Variants in MTUS2 observed in about 807,000 individuals in gnomAD.
MTUS2 encodes the protein microtubule associated scaffold protein 2.
A neutral mutation model predicts 114.1 loss-of-function variants in MTUS2; 40 were observed. The ratio of observed to expected loss-of-function variants is 0.35; its 90% CI spans 0.27 to 0.46. MTUS2 has a LOEUF of 0.46. Ranked by LOEUF, MTUS2 falls within the 20% of genes least tolerant of loss-of-function variation. The pLI is 1.00. For synonymous variants in MTUS2, 688 were observed against 672.0 expected (o/e 1.02, Z -0.37); for missense variants, 1,679 against 1,705.4 (o/e 0.98, Z 0.27).
chr13:29,340,054 G>T (rs1168336645), intron 7 of MTUS2, among the ~76,000 whole-genome samples: 1 of 152,230 alleles, frequency 6.6e-6, no homozygotes, highest in Admixed American at 6.5e-5. Context: ...GAATCAGGAC[G>T]CCAGAAAGCG....
intron 11 of MTUS2, 21 bp from the exon 12 acceptor site, chr13:29,492,625 A>G (rs754766048): frequency 1.3e-6 from 2 of 1,599,272 alleles, no homozygotes; most frequent in South Asian, 1.1e-5. Flanking sequence ...CCAACTTGAC[A>G]ATTTAATGTC....
At chr13:29,340,132 G>A (rs1901316996) in intron 7 of MTUS2, among the ~76,000 whole-genome samples, 1 of 152,228 alleles carries the variant, frequency 6.6e-6, no homozygotes, top group Non-Finnish European at 1.5e-5. Flanking sequence ...GTGCCTCGCG[G>A]AATTCGGGAC....
At chr13:29,136,209 A>C (rs944386412) in intron 5 of MTUS2, among the ~76,000 whole-genome samples, 3 of 152,220 alleles carry the variant, frequency 2.0e-5, no homozygotes, top group African/African-American at 7.2e-5. Context: ...GATTAGGAAC[A>C]AACTCCCTCA....
At chr13:29,471,742 G>GCCTCCCCC (rs1555283285) in intron 9 of MTUS2, among the ~76,000 whole-genome samples, 11 of 131,592 alleles carry the variant, frequency 8.4e-5, no homozygotes, top group African/African-American at 2.8e-4. Context: ...TGCAGGCCCA[G>GCCTCCCCC]CCCCCCCCGA....
chr13:29,479,453 C>G (rs1356960632), intron 9 of MTUS2, among the ~76,000 whole-genome samples: 1 of 152,204 alleles, frequency 6.6e-6, no homozygotes, highest in African/African-American at 2.4e-5. Context: ...TGGCCGCTGT[C>G]ATTGCCTCAT....
chr13:28,938,168 A>C (rs1167385446), intron 2 of MTUS2, among the ~76,000 whole-genome samples: 4 of 152,172 alleles, frequency 2.6e-5, no homozygotes, highest in Non-Finnish European at 5.9e-5. Flanking sequence ...GCGGATCATG[A>C]GGTCAGGAGA....
intron 9 of MTUS2, among the ~76,000 whole-genome samples, chr13:29,472,432 C>A (rs141473619): frequency 1.4e-4 from 22 of 152,284 alleles, no homozygotes; most frequent in African/African-American, 4.3e-4. Flanking sequence ...GTAGTGTGTC[C>A]GGGATCCCAG....
At chr13:29,286,073 G>A (rs959482774) in intron 6 of MTUS2, among the ~76,000 whole-genome samples, 11 of 152,110 alleles carry the variant, frequency 7.2e-5, no homozygotes, top group Middle Eastern at 3.4e-3. Flanking sequence ...TTACAGATGC[G>A]TGCCACCATG....
chr13:29,505,506 C>T lies in MTUS2; in HGVS notation c.*2300C>T. The T allele has an allele frequency of 4.4e-6, 1 of 227,408 alleles. No homozygotes were observed. Among genetic ancestry groups the T allele is most frequent in the Non-Finnish European group, 8.7e-6 (1 of 114,538 alleles). 14.1% of individuals were successfully genotyped at this position (227,408 alleles called of 1,614,324 possible). On this transcript the variant is annotated 3_prime_UTR_variant, in exon 16 of 16. Coordinates refer to ENST00000612955, the MANE Select transcript of MTUS2 (RefSeq NM_001033602.4). ...CGGACACCCATCATGTATGGCTCCTCATCTGAGCCATCACCGCTCCCGAAA... is the reference window on the plus strand; with the variant it reads ...CGGACACCCATCATGTATGGCTCCTTATCTGAGCCATCACCGCTCCCGAAA...
intron 5 of MTUS2, among the ~76,000 whole-genome samples, chr13:29,241,675 T>G (rs558408956): frequency 6.6e-6 from 1 of 152,366 alleles, no homozygotes; most frequent in Admixed American, 6.5e-5. Context: ...CATCAAGGGT[T>G]TCTTGGACAA....
intron 8 of MTUS2, among the ~76,000 whole-genome samples, chr13:29,371,669 G>A (rs1437813041): frequency 6.6e-6 from 1 of 152,036 alleles, no homozygotes; most frequent in Non-Finnish European, 1.5e-5. Context: ...TATGACATAG[G>A]ACTTCCCTTT....
intron 8 of MTUS2, among the ~76,000 whole-genome samples, chr13:29,360,945 A>T (rs1419166899): frequency 6.6e-6 from 1 of 152,160 alleles, no homozygotes; most frequent in African/African-American, 2.4e-5. Flanking sequence ...AGCCCTTGAT[A>T]AAGGTTTCAT....
intron 8 of MTUS2, among the ~76,000 whole-genome samples, chr13:29,426,294 G>A (rs528399664): frequency 1.3e-5 from 2 of 152,306 alleles, no homozygotes; most frequent in Admixed American, 1.3e-4. Context: ...ACTTACAACA[G>A]GGTTATGACA....
At chr13:29,103,063 T>C (rs922003075) in intron 5 of MTUS2, among the ~76,000 whole-genome samples, 23 of 152,198 alleles carry the variant, frequency 1.5e-4, no homozygotes, top group African/African-American at 5.5e-4. Flanking sequence ...TCCTTTTTTC[T>C]TCTTCTTGGA....
chr13:29,163,632 C>A (rs1395666552), intron 5 of MTUS2, among the ~76,000 whole-genome samples: 1 of 152,102 alleles, frequency 6.6e-6, no homozygotes, highest in Admixed American at 6.5e-5. Context: ...TGGTCAGATT[C>A]AGTTAAGAGG....
chr13:29,245,794 T>C (rs1483907122), intron 5 of MTUS2, among the ~76,000 whole-genome samples: 2 of 151,376 alleles, frequency 1.3e-5, no homozygotes, highest in Non-Finnish European at 2.9e-5. Flanking sequence ...CCTCCCAGGT[T>C]CACGCCAGCC....
intron 2 of MTUS2, among the ~76,000 whole-genome samples, chr13:28,943,727 G>A (rs960139111): frequency 3.3e-5 from 5 of 152,128 alleles, no homozygotes; most frequent in African/African-American, 1.2e-4. Context: ...TGACTCAGCT[G>A]GAGATTGTAA....
chr13:28,980,408 T>C (rs1382342895), intron 2 of MTUS2, among the ~76,000 whole-genome samples: 1 of 152,206 alleles, frequency 6.6e-6, no homozygotes, highest in Non-Finnish European at 1.5e-5. Flanking sequence ...CAGGCCAACA[T>C]GCTAGTTTCT....
At chr13:29,199,881 G>A (rs1783163575) in intron 5 of MTUS2, among the ~76,000 whole-genome samples, 1 of 152,096 alleles carries the variant, frequency 6.6e-6, no homozygotes, top group South Asian at 2.1e-4. Context: ...CTTGTTTTTG[G>A]TCTATTCGGG....
Sources: allele counts gnomAD v4.1 joint callset (sites outside exome capture counted in the v4.1 genomes callset), GRCh38; gene constraint gnomAD v4.1.1; transcripts MANE v1.5; gene names NCBI Gene and HGNC (gene_info 2026-07-23, HGNC 2026-07-21).